ADAMTSL1: variants seen among roughly 807,000 people sequenced by gnomAD.
The protein encoded by ADAMTSL1 is ADAMTS like 1, also known as ADAMTS-like protein 1.
ADAMTSL1 carries 126 observed loss-of-function variants against 201.8 expected under a neutral mutation model. The observed-to-expected ratio is 0.62, with a 90% CI of 0.54 to 0.72. ADAMTSL1 has a LOEUF of 0.72. Ranked by LOEUF, ADAMTSL1 falls within the 30% of genes least tolerant of loss-of-function variation. The pLI, the probability that ADAMTSL1 is intolerant of heterozygous loss-of-function variation, is 0.00. For missense variants in ADAMTSL1, 2,679 were observed against 2,277.8 expected (o/e 1.18, Z -3.59); for synonymous variants, 1,121 against 903.4 (o/e 1.24, Z -4.32).
At chr9:18,727,530 G>A (rs569771) in intron 15 of ADAMTSL1, among the ~76,000 whole-genome samples, 124,628 of 151,656 alleles carry the variant, frequency 0.82, 51,470 homozygotes, top group Admixed American at 0.88. Context: ...GTTCCTTAAT[G>A]GTTGGGCCTG....
intron 15 of ADAMTSL1, among the ~76,000 whole-genome samples, chr9:18,750,074 A>G (rs1819378513): frequency 6.6e-6 from 1 of 152,246 alleles, no homozygotes; most frequent in Non-Finnish European, 1.5e-5. Context: ...AGGGTTCACC[A>G]GCACTGGCCA....
intron 1 of ADAMTSL1, among the ~76,000 whole-genome samples, chr9:18,012,497 C>A (rs1820091354): frequency 6.6e-6 from 1 of 152,116 alleles, no homozygotes; most frequent in East Asian, 1.9e-4. Context: ...TTGCCTCCAC[C>A]CATTTTCCGG....
chr9:18,169,336 C>G (rs1002177580), intron 2 of ADAMTSL1, among the ~76,000 whole-genome samples: 1 of 151,922 alleles, frequency 6.6e-6, no homozygotes, highest in Non-Finnish European at 1.5e-5. Context: ...TTTCAGCTTT[C>G]TACATATGGC....
intron 1 of ADAMTSL1, among the ~76,000 whole-genome samples, chr9:18,488,936 G>T (rs1411349881): frequency 6.6e-6 from 1 of 152,138 alleles, no homozygotes. Context: ...AAAGATAAAA[G>T]TTGGTTCAAG....
intron 1 of ADAMTSL1, among the ~76,000 whole-genome samples, chr9:17,907,961 C>A (rs1825788709): frequency 6.6e-6 from 1 of 152,116 alleles, no homozygotes; most frequent in South Asian, 2.1e-4. Flanking sequence ...CTCTGTTTTG[C>A]TTATGGAGAC....
chr9:18,818,345 T>G (rs984641329), intron 21 of ADAMTSL1, among the ~76,000 whole-genome samples: 2 of 152,152 alleles, frequency 1.3e-5, no homozygotes, highest in Admixed American at 6.5e-5. Flanking sequence ...TCATCTTAGA[T>G]CTTCATCATA....
intron 2 of ADAMTSL1, among the ~76,000 whole-genome samples, chr9:18,385,923 C>G (rs1003430951): frequency 3.3e-5 from 5 of 152,154 alleles, no homozygotes; most frequent in Non-Finnish European, 5.9e-5. Context: ...TCTTGTTTCT[C>G]AAGTAGGTTT....
chr9:18,288,794 A>G (rs1398923313), intron 2 of ADAMTSL1, among the ~76,000 whole-genome samples: 1 of 152,246 alleles, frequency 6.6e-6, no homozygotes, highest in Non-Finnish European at 1.5e-5. Flanking sequence ...GGCTGTTCCC[A>G]GGATAATTTG....
intron 13 of ADAMTSL1, among the ~76,000 whole-genome samples, chr9:18,701,670 T>C (rs768771984): frequency 6.6e-5 from 10 of 152,330 alleles, no homozygotes; most frequent in Non-Finnish European, 1.0e-4. Context: ...GCTTGAAATG[T>C]AATAAGATTG....
At chr9:18,645,280 G>T (rs138945742) in intron 7 of ADAMTSL1, among the ~76,000 whole-genome samples, 8,441 of 152,224 alleles carry the variant, frequency 0.055, 292 homozygotes, top group Middle Eastern at 0.12. Flanking sequence ...TGTAGATTCT[G>T]GATATTAGCC....
At chr9:18,674,722 A>T (rs1172511070) in intron 9 of ADAMTSL1, among the ~76,000 whole-genome samples, 1 of 152,178 alleles carries the variant, frequency 6.6e-6, no homozygotes, top group Non-Finnish European at 1.5e-5. Context: ...CATCTATCCC[A>T]GAGGCACAGA....
At chr9:18,300,219 C>T (rs1343870787) in intron 2 of ADAMTSL1, among the ~76,000 whole-genome samples, 2 of 152,126 alleles carry the variant, frequency 1.3e-5, no homozygotes, top group Non-Finnish European at 2.9e-5. Flanking sequence ...CCGAAATGTC[C>T]ATCAATGATA....
In ADAMTSL1 at chr9:18,691,087, G is replaced by A. The variant is rs944173986; in HGVS notation, c.1574+6287G>A. The stretch of plus-strand genomic sequence containing the variant: ...GTCTATCCACAGACTGAAGAAATGA[G>A]CTAGCTGTCTTTAAGAAATGCAATT... On this transcript the variant is annotated intron_variant, in intron 13 of 28. Transcript: ENST00000380548. Among the ~76,000 whole-genome samples, 4 of 152,190 alleles carry A rather than the reference G, an allele frequency of 2.6e-5. No homozygotes were observed. In the East Asian group the frequency reaches 5.8e-4, roughly 22 times the overall value.
intron 2 of ADAMTSL1, among the ~76,000 whole-genome samples, chr9:18,359,111 T>C (rs1836385914): frequency 6.6e-6 from 1 of 152,218 alleles, no homozygotes; most frequent in Non-Finnish European, 1.5e-5. Context: ...AATAATTATA[T>C]GCAATTATAT....
intron 13 of ADAMTSL1, among the ~76,000 whole-genome samples, chr9:18,688,689 A>AAAAAATATATAT (rs1554730404): frequency 1.2e-4 from 1 of 8,652 alleles, no homozygotes; most frequent in African/African-American, 3.7e-4. Context: ...AAAAAAAAAA[A>AAAAAATATATAT]ATATATATAT....
intron 1 of ADAMTSL1, among the ~76,000 whole-genome samples, chr9:18,503,714 C>G (rs1019784494): frequency 6.6e-6 from 1 of 152,094 alleles, no homozygotes; most frequent in Non-Finnish European, 1.5e-5. Flanking sequence ...TGTGCTATCT[C>G]ATCTCCCTTT....
intron 13 of ADAMTSL1, among the ~76,000 whole-genome samples, chr9:18,702,120 A>T (rs1831959478): frequency 1.3e-5 from 2 of 152,144 alleles, no homozygotes; most frequent in Admixed American, 1.3e-4. Flanking sequence ...ATCTCATGAG[A>T]CACATTCACT....
At chr9:18,677,265 A>G (rs992937552) in intron 10 of ADAMTSL1, among the ~76,000 whole-genome samples, 7 of 151,946 alleles carry the variant, frequency 4.6e-5, no homozygotes, top group Non-Finnish European at 4.4e-5. Context: ...CTACTTTCCT[A>G]TGACTATATT....
At chr9:18,558,662 C>G (rs895778665) in intron 3 of ADAMTSL1, among the ~76,000 whole-genome samples, 1 of 152,170 alleles carries the variant, frequency 6.6e-6, no homozygotes, top group Non-Finnish European at 1.5e-5. Flanking sequence ...CACATCCTCT[C>G]CAGCATCTGC....
Sources: allele counts gnomAD v4.1 joint callset (sites outside exome capture counted in the v4.1 genomes callset), GRCh38; gene constraint gnomAD v4.1.1; transcripts MANE v1.5; gene names NCBI Gene and HGNC (gene_info 2026-07-23, HGNC 2026-07-21).